The following MYO9B variants were observed in gnomAD, a reference collection of about 807,000 sequenced individuals.
MYO9B encodes the protein unconventional myosin-IXb.
MYO9B carries 71 observed loss-of-function variants against 229.5 expected under a neutral mutation model. The observed-to-expected ratio is 0.31, with a 90% CI of 0.26 to 0.38. The LOEUF is 0.38. Among genes scored for constraint, MYO9B ranks in the 10% least tolerant of loss-of-function variants. The pLI is 1.00. For synonymous variants in MYO9B, 1,185 were observed against 1,235.8 expected, an observed-to-expected ratio of 0.96 and a Z score of 0.86; for missense variants, 2,255 against 2,920.5, an observed-to-expected ratio of 0.77 and a Z score of 5.25.
intron 2 of MYO9B, among the ~76,000 whole-genome samples, chr19:17,106,575 G>A (rs1479127753): frequency 6.6e-6 from 1 of 152,162 alleles, no homozygotes; most frequent in Non-Finnish European, 1.5e-5. Flanking sequence ...GGGGCTCAAC[G>A]GCTCTCCAGG....
chr19:17,192,521 G>T (rs2145448099), intron 20 of MYO9B, among the ~76,000 whole-genome samples: 1 of 152,142 alleles, frequency 6.6e-6, no homozygotes, highest in East Asian at 1.9e-4. Flanking sequence ...CTTCAACCCA[G>T]TAGGCGGAGG....
chr19:17,125,309 C>G lies in MYO9B; in HGVS notation c.841-20088C>G, dbSNP rs4993142. 3.2e-3 allele frequency among the ~76,000 whole-genome samples: 384 copies of G among 120,808 alleles called. 6 individuals carry two copies. Among genetic ancestry groups the G allele is most frequent in the African/African-American group, 8.0e-3 (239 of 29,710 alleles). The allele number at this position is 120,808 out of a possible 152,430, so 79.3% of individuals were successfully genotyped here. A position where few individuals can be genotyped will look rare whatever the true frequency, so the allele number is the denominator to read the frequency against. On this transcript the variant is annotated intron_variant, in intron 2 of 39. Transcript: ENST00000682292. ...GAGTAAAACCCCATCCCCCCCCCCC[C>G]AAAAAAAGGGTAAGATGAGCCCTAG...
At chr19:17,092,944 A>C (rs1205308618) in intron 1 of MYO9B, among the ~76,000 whole-genome samples, 1 of 152,044 alleles carries the variant, frequency 6.6e-6, no homozygotes, top group African/African-American at 2.4e-5. Context: ...TATGCACAGA[A>C]GTGTGTGTAT....
At chr19:17,093,052 C>T (rs1202951301) in intron 1 of MYO9B, among the ~76,000 whole-genome samples, 1 of 152,190 alleles carries the variant, frequency 6.6e-6, no homozygotes, top group Non-Finnish European at 1.5e-5. Flanking sequence ...TGTATCTTGG[C>T]CAGGCACTGT....
At chr19:17,169,313 A>G (rs1018068491) in intron 11 of MYO9B, among the ~76,000 whole-genome samples, 1 of 143,614 alleles carries the variant, frequency 7.0e-6, no homozygotes, top group African/African-American at 2.5e-5. Flanking sequence ...CGGAGGTTGC[A>G]GTGAGCGGAG....
chr19:17,118,084 GA>G (rs1170103893), intron 2 of MYO9B, among the ~76,000 whole-genome samples: 1 of 152,088 alleles, frequency 6.6e-6, no homozygotes, highest in Non-Finnish European at 1.5e-5. Context: ...GCTGGGGAGG[GA>G]GAGATGCTAC....
intron 2 of MYO9B, among the ~76,000 whole-genome samples, chr19:17,131,362 G>T (rs957624778): frequency 1.3e-5 from 2 of 152,226 alleles, no homozygotes; most frequent in Non-Finnish European, 2.9e-5. Flanking sequence ...GCTGCCTCCC[G>T]CATTCAAGCG....
At chr19:17,127,481 C>T (rs2072137477) in intron 2 of MYO9B, among the ~76,000 whole-genome samples, 2 of 151,910 alleles carry the variant, frequency 1.3e-5, no homozygotes, top group African/African-American at 4.8e-5. Context: ...TGCCCACCAC[C>T]ACACCCGGCT....
At chr19:17,180,809 T>C (rs1016707056) in intron 14 of MYO9B, 118 bp from the exon 15 acceptor site, 3 of 621,630 alleles carry the variant, frequency 4.8e-6, no homozygotes, top group South Asian at 2.0e-5. Context: ...CCCAGCTGCA[T>C]GTTTTGGCTT....
intron 1 of MYO9B, among the ~76,000 whole-genome samples, chr19:17,092,722 C>CAAAAAAAAAA (rs3067821): frequency 1.0e-5 from 1 of 97,656 alleles, no homozygotes; most frequent in Non-Finnish European, 2.1e-5. Flanking sequence ...AAGGCTCCGT[C>CAAAAAAAAAA]AAAAAAAAAA....
rs765416443 is a variant in MYO9B at position 17,207,174 on chromosome 19, C to A, written c.5554C>A (p.Pro1852Thr). 2 of 1,607,002 alleles carry A rather than the reference C, an allele frequency of 1.2e-6. No homozygotes were observed. Among genetic ancestry groups the A allele is most frequent in the Non-Finnish European group, 8.5e-7 (1 of 1,177,504 alleles). The part of the protein sequence containing the change: ...SPGALAIIFA[P>T]CLLRCPDNSD... ...TGGGGCGCTGGCCATTATCTTCGCA[C>A]CCTGCCTCCTGCGCTGCCCTGACAA... The change falls in exon 35 of 40, where the codon CCC (proline) becomes ACC (threonine). Residue 1852 changes from proline to threonine, a missense_variant. Physicochemically the swap from Pro to Thr is conservative, Grantham distance 38. Transcript: ENST00000682292.
In MYO9B at chr19:17,154,498, C is replaced by T. The variant is rs932940309; in HGVS notation, c.1199+83C>T. ...CCTTACCAGTCACTCTGAGGTCTAA[C>T]CTGCAACCCAGTGAAAACAGGCAGG... is the stretch of plus-strand genomic sequence containing the variant. On this transcript the variant is annotated intron_variant, in intron 6 of 39. Coordinates refer to ENST00000682292, the MANE Select transcript of MYO9B (RefSeq NM_004145.4). 22 of 1,047,142 alleles carry T rather than the reference C, an allele frequency of 2.1e-5. No individual in the cohort carries two copies. In the African/African-American group the frequency reaches 2.9e-4, roughly 14 times the overall value. 64.9% of individuals were successfully genotyped at this position (1,047,142 alleles called of 1,614,324 possible).
intron 23 of MYO9B, 50 bp downstream of exon 23, chr19:17,197,908 G>T (rs769374789): frequency 6.9e-6 from 11 of 1,601,854 alleles, no homozygotes; most frequent in Non-Finnish European, 9.4e-6. Context: ...ACAAAAATCA[G>T]CCAGGCGTGG....
intron 22 of MYO9B, among the ~76,000 whole-genome samples, chr19:17,197,483 C>A (rs75843980): frequency 0.17 from 25,279 of 144,946 alleles, 2,236 homozygotes; most frequent in African/African-American, 0.2. Context: ...CAGGCAGGGT[C>A]TCTTGGGCTA....
chr19:17,170,598 A>G (rs1319313299), intron 11 of MYO9B, among the ~76,000 whole-genome samples: 3 of 143,210 alleles, frequency 2.1e-5, no homozygotes, highest in Non-Finnish European at 4.5e-5. Flanking sequence ...ATCATTTGAG[A>G]CCAGGAGTTA....
intron 3 of MYO9B, among the ~76,000 whole-genome samples, chr19:17,145,953 T>TGATG (rs149312996): frequency 0.029 from 4,361 of 148,940 alleles, 204 homozygotes; most frequent in African/African-American, 0.097. Flanking sequence ...GATGGATGGA[T>TGATG]GATGGATGGA....
At position 17,211,920 on chromosome 19, in the gene MYO9B, C is replaced by T; in HGVS notation, c.6084C>T (p.Cys2028=). ...SEGPPAPALP[C]PGAPTPSPLP... ...GGCCCCCTGCGCCTGCTCTCCCTTG[C>T]CCCGGCGCGCCCACCCCGAGCCCCC... The change falls in exon 40 of 40, where the codon TGC becomes TGT. Residue 2028 remains cysteine (C), a synonymous_variant. Coordinates refer to ENST00000682292, the MANE Select transcript of MYO9B (RefSeq NM_004145.4). 1.3e-6 allele frequency: 2 copies of T among 1,574,408 alleles called. No individual in the cohort carries two copies. The highest frequency in any genetic ancestry group is 1.7e-6 in the Non-Finnish European group (2 of 1,159,814).
At chr19:17,134,364 T>C (rs1432697354) in intron 2 of MYO9B, among the ~76,000 whole-genome samples, 2 of 149,924 alleles carry the variant, frequency 1.3e-5, no homozygotes, top group Non-Finnish European at 3.0e-5. Context: ...CTCTTTGTTT[T>C]TTTTTTCGTT....
At chr19:17,134,752 A>G (rs4808577) in intron 2 of MYO9B, among the ~76,000 whole-genome samples, 40,296 of 151,418 alleles carry the variant, frequency 0.27, 6,428 homozygotes, top group African/African-American at 0.45. Context: ...TTCTTTATCC[A>G]TTCATCTGTG....
Sources: allele counts gnomAD v4.1 joint callset (sites outside exome capture counted in the v4.1 genomes callset), GRCh38; gene constraint gnomAD v4.1.1; transcripts MANE v1.5; gene names NCBI Gene and HGNC (gene_info 2026-07-23, HGNC 2026-07-21).